Variants in IFT88 observed in about 807,000 individuals in gnomAD.
IFT88 encodes intraflagellar transport 88, also known as intraflagellar transport protein 88 homolog.
Under a neutral mutation model 119.5 loss-of-function variants are expected in IFT88, and 74 were observed. The ratio of observed to expected loss-of-function variants is 0.62; its 90% CI spans 0.51 to 0.75. The LOEUF is 0.75. Among genes scored for constraint, IFT88 ranks in the 30% least tolerant of loss-of-function variants. The probability of loss-of-function intolerance (pLI) is 0.00; values close to 1 mark genes in which losing one functional copy is unlikely to be tolerated. For missense variants in IFT88, 961 were observed against 977.7 expected, an observed-to-expected ratio of 0.98 and a Z score of 0.23; for synonymous variants, 279 against 316.7, an observed-to-expected ratio of 0.88 and a Z score of 1.26.
chr13:20,597,588 C>CA (rs1359094447), intron 9 of IFT88, among the ~76,000 whole-genome samples: 6 of 151,676 alleles, frequency 4.0e-5, no homozygotes, highest in African/African-American at 4.8e-5. Context: ...ACTAAAAATA[C>CA]AAAAAATTAG....
At chr13:20,662,613 A>G (rs1238904084) in intron 22 of IFT88, among the ~76,000 whole-genome samples, 1 of 152,232 alleles carries the variant, frequency 6.6e-6, no homozygotes, top group African/African-American at 2.4e-5. Context: ...CAAATTCTCT[A>G]TAATGACCTG....
chr13:20,614,073 G>A (rs990280261), intron 13 of IFT88, among the ~76,000 whole-genome samples: 2 of 152,150 alleles, frequency 1.3e-5, no homozygotes, highest in Non-Finnish European at 2.9e-5. Flanking sequence ...TTGCATTGTA[G>A]ACTTTATATT....
At chr13:20,577,542 T>G (rs369337741) in intron 2 of IFT88, among the ~76,000 whole-genome samples, 10 of 152,076 alleles carry the variant, frequency 6.6e-5, no homozygotes, top group African/African-American at 2.2e-4. Context: ...TATACACAGT[T>G]TTTTTTTAGG....
intron 15 of IFT88, among the ~76,000 whole-genome samples, chr13:20,629,333 A>G (rs2047837415): frequency 6.6e-6 from 1 of 152,216 alleles, no homozygotes; most frequent in Admixed American, 6.5e-5. Flanking sequence ...GATAAGCAAT[A>G]TTAGCAGCAA....
intron 8 of IFT88, among the ~76,000 whole-genome samples, 166 bp from the exon 9 acceptor site, chr13:20,596,849 C>A (rs1212218462): frequency 1.3e-5 from 2 of 151,986 alleles, no homozygotes; most frequent in African/African-American, 4.8e-5. Flanking sequence ...TTCTAAAAAA[C>A]AAAAAGTCCC....
chr13:20,685,036 G>A (rs1297425197), intron 24 of IFT88, among the ~76,000 whole-genome samples: 4 of 152,208 alleles, frequency 2.6e-5, no homozygotes, highest in Non-Finnish European at 4.4e-5. Flanking sequence ...AGCCACAAAC[G>A]GAATCTGACC....
intron 1 of IFT88, chr13:20,567,780 C>T (rs549937727): frequency 3.0e-6 from 4 of 1,341,470 alleles, no homozygotes; most frequent in East Asian, 5.2e-5. Flanking sequence ...ATTCCAAAAA[C>T]GTGAAGTACT....
chr13:20,586,357 T>C (rs920630061), intron 3 of IFT88, among the ~76,000 whole-genome samples: 1 of 152,166 alleles, frequency 6.6e-6, no homozygotes, highest in African/African-American at 2.4e-5. Flanking sequence ...AGAAGGCAAA[T>C]TAAATGGACA....
intron 18 of IFT88, 70 bp downstream of exon 18, chr13:20,641,468 A>G (rs1324324740): frequency 5.4e-6 from 5 of 924,642 alleles, no homozygotes; most frequent in South Asian, 4.5e-5. Flanking sequence ...CAATTATTAA[A>G]TAAGTTTAAC....
At chr13:20,630,339 A>C (rs1367255359) in intron 15 of IFT88, among the ~76,000 whole-genome samples, 1 of 152,168 alleles carries the variant, frequency 6.6e-6, no homozygotes, top group African/African-American at 2.4e-5. Context: ...CCTTCAAAAA[A>C]TATTTTTAGT....
At chr13:20,575,212 G>A (rs1168165175) in intron 2 of IFT88, among the ~76,000 whole-genome samples, 1 of 152,062 alleles carries the variant, frequency 6.6e-6, no homozygotes, top group Non-Finnish European at 1.5e-5. Flanking sequence ...AACATGCGAT[G>A]TTTGTCTTTC....
chr13:20,691,220 A>G lies in IFT88; in HGVS notation c.*45A>G, dbSNP rs1461387358. ...TAAAGGAAAGAAATTGCCTTATGAG[A>G]TCATCCTCATGTTAAACCTTGGATT... On this transcript the variant is annotated 3_prime_UTR_variant, in exon 26 of 26. Transcript: ENST00000351808. 2 of 1,544,084 alleles carry G rather than the reference A, an allele frequency of 1.3e-6. No individual in the cohort carries two copies. The highest frequency in any genetic ancestry group is 1.7e-4 in the Middle Eastern group (1 of 5,846).
chr13:20,661,837 A>G (rs1012784582), intron 22 of IFT88, among the ~76,000 whole-genome samples: 4 of 152,184 alleles, frequency 2.6e-5, no homozygotes, highest in Non-Finnish European at 4.4e-5. Context: ...GTATGTAGGT[A>G]GTGGAGACGT....
At chr13:20,682,111 A>G (rs762583233) in intron 24 of IFT88, among the ~76,000 whole-genome samples, 1 of 152,168 alleles carries the variant, frequency 6.6e-6, no homozygotes, top group African/African-American at 2.4e-5. Context: ...AGGGACAATA[A>G]TTTTTCCAGG....
intron 13 of IFT88, chr13:20,608,252 C>T (rs548677598): frequency 1.0e-4 from 24 of 233,034 alleles, no homozygotes; most frequent in African/African-American, 4.6e-4. Flanking sequence ...ACAACCCAGC[C>T]GAGGGAATGG....
Position 20,643,360 on chromosome 13 carries a change from T to C in IFT88, c.1683-95T>C, listed in dbSNP as rs1417334585. 4.2e-6 allele frequency: 4 copies of C among 941,782 alleles called. No homozygotes were observed. In the African/African-American group the frequency reaches 6.6e-5, roughly 16 times the overall value. The allele number at this position is 941,782 out of a possible 1,614,324, so 58.3% of individuals were successfully genotyped here. On this transcript the variant is annotated intron_variant, in intron 18 of 25. Coordinates refer to ENST00000351808, the MANE Select transcript of IFT88 (RefSeq NM_006531.5). ...AACAGTATACAATAGCACATTACTG[T>C]AGGCTAAGAAATATTGTTACTGTAA...
chr13:20,680,110 A>T (rs1416832123), intron 24 of IFT88, among the ~76,000 whole-genome samples: 1 of 152,168 alleles, frequency 6.6e-6, no homozygotes, highest in Non-Finnish European at 1.5e-5. Context: ...AATCCAGTTT[A>T]CAGATAGGTT....
At chr13:20,598,861 A>C (rs1218164768) in intron 10 of IFT88, 108 bp downstream of exon 10, 1 of 655,876 alleles carries the variant, frequency 1.5e-6, no homozygotes, top group East Asian at 2.7e-5. Flanking sequence ...TGCTCTAAAC[A>C]AATCAGTATT....
At chr13:20,657,610 A>G (rs956187990) in intron 22 of IFT88, among the ~76,000 whole-genome samples, 3 of 152,108 alleles carry the variant, frequency 2.0e-5, no homozygotes, top group Non-Finnish European at 4.4e-5. Context: ...ATAAAATAAT[A>G]TGCTGGAAAC....
Sources: allele counts gnomAD v4.1 joint callset (sites outside exome capture counted in the v4.1 genomes callset), GRCh38; gene constraint gnomAD v4.1.1; transcripts MANE v1.5; gene names NCBI Gene and HGNC (gene_info 2026-07-23, HGNC 2026-07-21).